PFKP: variants seen among roughly 807,000 people sequenced by gnomAD.
PFKP encodes the protein phosphofructokinase, platelet.
In PFKP, 101 loss-of-function variants were observed where a neutral mutation model predicts 94.3. That is an observed-to-expected ratio of 1.07 (90% CI 0.91 to 1.26). The LOEUF is 1.26. Ranked by LOEUF, PFKP falls within the 50% of genes most tolerant of loss-of-function variation. The pLI is 0.00. For synonymous variants in PFKP, 573 were observed against 432.6 expected (o/e 1.32, Z -4.03); for missense variants, 1,145 against 1,103.3 (o/e 1.04, Z -0.53).
chr10:3,076,506 C>T (rs75765673), intron 1 of PFKP, among the ~76,000 whole-genome samples: 4,087 of 152,240 alleles, frequency 0.027, 169 homozygotes, highest in African/African-American at 0.093. Flanking sequence ...GCAGGCTCTC[C>T]GATTGTCAAT....
intron 2 of PFKP, among the ~76,000 whole-genome samples, chr10:3,091,393 C>G (rs10430751): frequency 0.16 from 24,310 of 152,032 alleles, 2,575 homozygotes; most frequent in East Asian, 0.42. Context: ...AGGGCTGCCA[C>G]TGTGTCTGCA....
chr10:3,110,967 T>TGC (rs749808188), intron 10 of PFKP, among the ~76,000 whole-genome samples: 1 of 151,834 alleles, frequency 6.6e-6, no homozygotes, highest in Non-Finnish European at 1.5e-5. Flanking sequence ...TTAGTGTGTG[T>TGC]GCATGTGTGT....
intron 20 of PFKP, 23 bp from the exon 21 acceptor site, chr10:3,135,710 TTAA>T: frequency 7.1e-7 from 1 of 1,418,032 alleles, no homozygotes; most frequent in Non-Finnish European, 1.0e-6. Context: ...CAGGGTGTTA[TTAA>T]TCTTTTTTAA....
At chr10:3,115,978 C>T (rs953130123) in intron 13 of PFKP, among the ~76,000 whole-genome samples, 4 of 152,154 alleles carry the variant, frequency 2.6e-5, no homozygotes, top group Non-Finnish European at 5.9e-5. Context: ...GATGAGGAAC[C>T]GTTCTGTCCT....
intron 17 of PFKP, among the ~76,000 whole-genome samples, chr10:3,131,580 C>A (rs1299772472): frequency 6.6e-6 from 1 of 152,180 alleles, no homozygotes; most frequent in African/African-American, 2.4e-5. Flanking sequence ...CCTCAGCCTC[C>A]CAAGTAGGTG....
intron 15 of PFKP, among the ~76,000 whole-genome samples, 177 bp from the exon 16 acceptor site, chr10:3,119,715 C>T (rs1343890337): frequency 6.6e-6 from 1 of 152,182 alleles, no homozygotes; most frequent in Non-Finnish European, 1.5e-5. Context: ...TGCTTACAAC[C>T]TGCCGATCCT....
intron 13 of PFKP, among the ~76,000 whole-genome samples, chr10:3,115,922 C>A (rs1836791178): frequency 6.6e-6 from 1 of 152,172 alleles, no homozygotes; most frequent in Non-Finnish European, 1.5e-5. Flanking sequence ...CCACTGCCCG[C>A]CCTTCTGTGT....
At chr10:3,135,897 A>G in intron 21 of PFKP, 59 bp downstream of exon 21, 2 of 988,036 alleles carry the variant, frequency 2.0e-6, no homozygotes, top group South Asian at 1.3e-5. Context: ...GGACAGGGGA[A>G]TGGCCATTGC....
chr10:3,135,863 C>CA, intron 21 of PFKP, 25 bp downstream of exon 21: 1 of 1,363,242 alleles, frequency 7.3e-7, no homozygotes, highest in Non-Finnish European at 1.1e-6. Context: ...TTCCCTGAGG[C>CA]AATAAGACCC....
rs753934996 is a variant in PFKP at position 3,101,488 on chromosome 10, A to G, written c.388A>G (p.Ser130Gly). The G allele has an allele frequency of 1.9e-6, 3 of 1,601,462 alleles. No individual in the cohort carries two copies. The highest frequency in any genetic ancestry group is 4.5e-5 in the East Asian group (2 of 44,490). The stretch of plus-strand genomic sequence containing the variant: ...CCTGTGTGTGATCGGCGGGGACGGG[A>G]GCCTCACCGGGGCCAACCTCTTCCG... The part of the protein sequence containing the change: ...TNLCVIGGDG[S>G]LTGANLFRKE... Residue 130 changes from serine (S) to glycine (G), a missense_variant, in exon 4 of 22, where the codon AGC (serine) becomes GGC (glycine). This residue lies in a region of PFKP where 1,119 missense variants were observed against 1,062.8 expected (regional missense o/e 1.05). Coordinates refer to ENST00000381125, the MANE Select transcript of PFKP (RefSeq NM_002627.5).
At chr10:3,103,356 A>G (rs1415771524) in intron 4 of PFKP, among the ~76,000 whole-genome samples, 3 of 152,170 alleles carry the variant, frequency 2.0e-5, no homozygotes, top group Non-Finnish European at 2.9e-5. Flanking sequence ...TTCGGAGAAA[A>G]TAAAGAATCG....
chr10:3,068,600 C>G, intron 1 of PFKP: 1 of 905,098 alleles, frequency 1.1e-6, no homozygotes, highest in Non-Finnish European at 1.3e-6. Flanking sequence ...GAGGCTGGGC[C>G]CACGGACGCG....
Position 3,119,917 on chromosome 10 carries a change from C to A in PFKP, c.1556C>A (p.Ser519Ter), listed in dbSNP as rs1265545419. The change falls in exon 16 of 22, where the codon TCA becomes TAA. Residue 519 changes from serine to a stop codon, truncating the protein, a stop_gained. Transcript: ENST00000381125. LOFTEE classifies it high-confidence loss of function. ...GCCTACCTGGGACTCCTGGAGCTGT[C>A]AGCCGCCCGGGAGAAGCACGAGGAG... ...FEAYLGLLEL[S>*]AAREKHEEFC... 1.2e-6 allele frequency: 2 copies of A among 1,614,136 alleles called. No homozygotes were observed. Among genetic ancestry groups the A allele is most frequent in the Non-Finnish European group, 1.7e-6 (2 of 1,180,020 alleles).
At chr10:3,134,246 T>C (rs1838941687) in intron 19 of PFKP, among the ~76,000 whole-genome samples, 1 of 152,236 alleles carries the variant, frequency 6.6e-6, no homozygotes, top group African/African-American at 2.4e-5. Context: ...ATAATGAAGA[T>C]TGTTAGTTGA....
chr10:3,121,116 G>A (rs533940193), intron 16 of PFKP, among the ~76,000 whole-genome samples: 121 of 152,258 alleles, frequency 7.9e-4, no homozygotes, highest in African/African-American at 2.7e-3. Flanking sequence ...CTTAGCACTC[G>A]TTTCTTGCTT....
In PFKP at chr10:3,109,709, G is replaced by A. The variant is rs138963274; in HGVS notation, c.1089+229G>A. Among the ~76,000 whole-genome samples the A allele has an allele frequency of 3.7e-4, 56 of 152,334 alleles. 1 individual carries two copies. In the Middle Eastern group the frequency reaches 0.017, roughly 46 times the overall value. On this transcript the variant is annotated intron_variant, in intron 10 of 21. Transcript: ENST00000381125. ...TGGTTTTCTAAGTTACCATCCATCT[G>A]TGTGGCACATAGTCGTAACCTCCCC...
intron 15 of PFKP, 128 bp from the exon 16 acceptor site, chr10:3,119,764 G>GGTCGC: frequency 3.0e-6 from 2 of 657,910 alleles, no homozygotes; most frequent in South Asian, 2.0e-5. Context: ...TGATCTCGGA[G>GGTCGC]TGTTTTCGTG....
At chr10:3,111,889 T>G (rs1435696336) in intron 10 of PFKP, among the ~76,000 whole-genome samples, 2 of 152,234 alleles carry the variant, frequency 1.3e-5, no homozygotes, top group African/African-American at 4.8e-5. Context: ...CTGAGAGATT[T>G]CATTTCCTCT....
At chr10:3,107,698 T>G in intron 8 of PFKP, 2 of 975,966 alleles carry the variant, frequency 2.0e-6, no homozygotes, top group Non-Finnish European at 2.4e-6. Flanking sequence ...GGCGGCGTCT[T>G]GCTATTCCCT....
Sources: gnomAD v4.1 joint callset for allele counts (sites outside exome capture counted in the v4.1 genomes callset) on GRCh38, gnomAD v4.1.1 for gene constraint, gnomAD v4.1.1 regional missense constraint, MANE v1.5 for transcripts, NCBI Gene and HGNC (gene_info 2026-07-23, HGNC 2026-07-21) for gene names.